The following RIC1 variants were observed in gnomAD, a reference collection of about 807,000 sequenced individuals.
RIC1 encodes guanine nucleotide exchange factor subunit RIC1.
RIC1 carries 88 observed loss-of-function variants against 169.0 expected under a neutral mutation model. The ratio of observed to expected loss-of-function variants is 0.52; its 90% CI spans 0.44 to 0.62. The LOEUF is 0.62. RIC1 is among the 20% of genes least tolerant of loss of function. The pLI, the probability that RIC1 is intolerant of heterozygous loss-of-function variation, is 0.00. For missense variants in RIC1, 1,877 were observed against 1,725.5 expected (o/e 1.09, Z -1.56); for synonymous variants, 790 against 601.5 (o/e 1.31, Z -4.59).
chr9:5,732,532 G>GT (rs34688720), intron 7 of RIC1, 53 bp downstream of exon 7: 31,167 of 890,514 alleles, frequency 0.035, 14 homozygotes, highest in African/African-American at 0.043. Flanking sequence ...AAAAATACTG[G>GT]TTTTTTTTTT....
In RIC1 at chr9:5,763,004, T is replaced by A; in HGVS notation, c.2113-136T>A. On this transcript the variant is annotated intron_variant, in intron 18 of 25. Transcript: ENST00000414202. This position sits in a 1 kb window ranked among gnomAD's most constrained non-coding sequence, Gnocchi z 5.2. ...CCAGGATACTTTTATTAACTCTAATTCTAATTAGATCCCTTTGCTTTTCCC... is the reference window on the plus strand; with the variant it reads ...CCAGGATACTTTTATTAACTCTAATACTAATTAGATCCCTTTGCTTTTCCC... 1 of 1,055,188 alleles carries A rather than the reference T, an allele frequency of 9.5e-7. No homozygotes were observed. Among genetic ancestry groups the A allele is most frequent in the Non-Finnish European group, 1.3e-6 (1 of 748,590 alleles). 65.4% of individuals were successfully genotyped at this position (1,055,188 alleles called of 1,614,324 possible). A position where few individuals can be genotyped will look rare whatever the true frequency, so the allele number is the denominator to read the frequency against.
chr9:5,765,820 A>G (rs1319076805), intron 21 of RIC1, 22 bp downstream of exon 21: 1 of 1,613,188 alleles, frequency 6.2e-7, no homozygotes, highest in Non-Finnish European at 8.5e-7. Context: ...AAGAGCCATT[A>G]CTGCTTTTTG....
At position 5,773,019 on chromosome 9, in the gene RIC1, G is replaced by A. The variant is rs781431750; in HGVS notation, c.3922G>A (p.Glu1308Lys). The change falls in exon 25 of 26, where the codon GAG (glutamate) becomes AAG (lysine). Residue 1308 changes from glutamate to lysine, a missense_variant. Around this residue, in one of 3 missense-constraint regions of RIC1, gnomAD observed 681 missense variants for 582.0 expected, o/e 1.17. Coordinates refer to ENST00000414202, the MANE Select transcript of RIC1 (RefSeq NM_020829.4). ...TACACAGTCTTCAGAGGTAGATGGAGAGATGTTACAGAACATAAAGACAGG... is the reference window on the plus strand; with the variant it reads ...TACACAGTCTTCAGAGGTAGATGGAAAGATGTTACAGAACATAAAGACAGG... ...VITQSSEVDG[E>K]MLQNIKTGLH... 1.2e-6 allele frequency: 2 copies of A among 1,613,692 alleles called. No individual in the cohort carries two copies. Among genetic ancestry groups the A allele is most frequent in the Non-Finnish European group, 1.7e-6 (2 of 1,179,746 alleles).
intron 2 of RIC1, among the ~76,000 whole-genome samples, chr9:5,669,936 G>A (rs973772195): frequency 6.6e-6 from 1 of 152,180 alleles, no homozygotes; most frequent in Admixed American, 6.5e-5. Flanking sequence ...ATCAAGTGTG[G>A]GGGTCTTGCT....
chr9:5,704,836 T>G (rs1463675925), intron 3 of RIC1, among the ~76,000 whole-genome samples: 1 of 152,200 alleles, frequency 6.6e-6, no homozygotes, highest in African/African-American at 2.4e-5. Flanking sequence ...TCATTTTGAA[T>G]TATTTTTTAC....
intron 3 of RIC1, among the ~76,000 whole-genome samples, chr9:5,702,348 T>TA (rs1822271505): frequency 6.6e-6 from 1 of 152,030 alleles, no homozygotes; most frequent in African/African-American, 2.4e-5. Flanking sequence ...GAAAAGAGGT[T>TA]TAATTGGTTC....
At chr9:5,766,248 C>G (rs1209269992) in intron 21 of RIC1, among the ~76,000 whole-genome samples, 4 of 152,116 alleles carry the variant, frequency 2.6e-5, no homozygotes, top group African/African-American at 7.2e-5. Flanking sequence ...CAACATGTTG[C>G]CCAGGCTAGT....
intron 2 of RIC1, among the ~76,000 whole-genome samples, chr9:5,673,450 T>C (rs1012257776): frequency 6.0e-5 from 9 of 150,378 alleles, no homozygotes; most frequent in African/African-American, 2.0e-4. Flanking sequence ...CATATTAAAA[T>C]GAATGTACAT....
downstream of RIC1, among the ~76,000 whole-genome samples, chr9:5,777,834 C>A (rs1332369067): frequency 6.6e-6 from 1 of 152,134 alleles, no homozygotes; most frequent in African/African-American, 2.4e-5. Flanking sequence ...TCTATAATAT[C>A]TTCTTATGCC....
At chr9:5,709,763 T>A (rs1282234841) in intron 3 of RIC1, among the ~76,000 whole-genome samples, 1 of 152,190 alleles carries the variant, frequency 6.6e-6, no homozygotes, top group East Asian at 1.9e-4. Context: ...TTACTGTAAT[T>A]TTTTAAAGTT....
chr9:5,708,156 A>G (rs757896838), intron 3 of RIC1, among the ~76,000 whole-genome samples: 1 of 152,122 alleles, frequency 6.6e-6, no homozygotes, highest in African/African-American at 2.4e-5. Context: ...AGCTTCAATA[A>G]TATCTCAAAA....
chr9:5,723,335 G>A (rs1453907212), intron 6 of RIC1, among the ~76,000 whole-genome samples: 1 of 152,132 alleles, frequency 6.6e-6, no homozygotes, highest in Non-Finnish European at 1.5e-5. Context: ...TCATGTGTCT[G>A]TTGGCTGCAT....
At position 5,669,250 on chromosome 9, in the gene RIC1, GT is replaced by G; in HGVS notation, c.252+12561del. Among the ~76,000 whole-genome samples the G allele has an allele frequency of 2.0e-5, 3 of 152,270 alleles. No individual in the cohort carries two copies. In the Middle Eastern group the frequency reaches 0.01, roughly 518 times the overall value. ...CCATCACCCAAGCAGTGTACACTGT[GT>G]ACCCAATTTGTAGTCTTTTATCCCT... On this transcript the variant is annotated intron_variant, in intron 2 of 25. Transcript: ENST00000414202.
chr9:5,744,803 TAGAAAACAG>T (rs1356763557), intron 10 of RIC1, among the ~76,000 whole-genome samples: 1 of 152,144 alleles, frequency 6.6e-6, no homozygotes, highest in East Asian at 1.9e-4. Flanking sequence ...AGAGTTTCTG[TAGAAAACAG>T]AGATATAAAA....
chr9:5,660,032 G>A (rs929200180), intron 2 of RIC1, among the ~76,000 whole-genome samples: 11 of 152,124 alleles, frequency 7.2e-5, no homozygotes, highest in African/African-American at 2.7e-4. Context: ...ACAGACCCCA[G>A]TGTATGTTGT....
At chr9:5,770,458 A>G (rs1827132479) in intron 23 of RIC1, among the ~76,000 whole-genome samples, 180 bp downstream of exon 23, 1 of 152,188 alleles carries the variant, frequency 6.6e-6, no homozygotes, top group African/African-American at 2.4e-5. Context: ...GTACTTTGCC[A>G]TATTTATTTT....
chr9:5,725,431 A>T (rs933166614), intron 6 of RIC1, among the ~76,000 whole-genome samples: 1 of 152,086 alleles, frequency 6.6e-6, no homozygotes, highest in Non-Finnish European at 1.5e-5. Context: ...TATTGCGTCT[A>T]CTTGATTCTT....
At chr9:5,731,752 T>C (rs1408616663) in intron 6 of RIC1, among the ~76,000 whole-genome samples, 1 of 152,210 alleles carries the variant, frequency 6.6e-6, no homozygotes, top group Non-Finnish European at 1.5e-5. Flanking sequence ...CTAAATAGTT[T>C]ACATGTGTAT....
chr9:5,650,583 T>C (rs1818750719), intron 1 of RIC1, among the ~76,000 whole-genome samples: 2 of 151,960 alleles, frequency 1.3e-5, no homozygotes, highest in South Asian at 4.1e-4. Context: ...TATGCTTTGC[T>C]CCAAGCAGTG....
Sources: gnomAD v4.1 joint callset for allele counts (sites outside exome capture counted in the v4.1 genomes callset) on GRCh38, gnomAD v4.1.1 for gene constraint, gnomAD v4.1.1 regional missense constraint, Gnocchi (gnomAD v3.1) non-coding constraint, MANE v1.5 for transcripts, NCBI Gene and HGNC (gene_info 2026-07-23, HGNC 2026-07-21) for gene names.